The following COLEC11 variants were observed in gnomAD, a reference collection of about 807,000 sequenced individuals.
COLEC11 encodes the protein collectin-11.
Under a neutral mutation model 27.3 loss-of-function variants are expected in COLEC11, and 20 were observed. The observed-to-expected ratio is 0.73, with a 90% CI of 0.51 to 1.06. The LOEUF (loss-of-function observed/expected upper bound fraction) is 1.06. COLEC11 is among the 50% of genes least tolerant of loss of function. The pLI is 0.00. For synonymous variants in COLEC11, 163 were observed against 154.7 expected (o/e 1.05, Z -0.40); for missense variants, 310 against 383.0 (o/e 0.81, Z 1.59).
At chr2:3,619,654 C>G (rs770734155) in intron 3 of COLEC11, among the ~76,000 whole-genome samples, 18 of 152,192 alleles carry the variant, frequency 1.2e-4, no homozygotes, top group Non-Finnish European at 2.6e-4. Context: ...GAGACGGAGT[C>G]TTGCTCTGTT....
At chr2:3,613,172 G>A in intron 2 of COLEC11, 139 bp from the exon 3 acceptor site, 1 of 863,776 alleles carries the variant, frequency 1.2e-6, no homozygotes, top group Non-Finnish European at 1.9e-6. Context: ...TGCAGGCGGG[G>A]AGGGAGGTAG....
chr2:3,609,352 A>ATTTTTTTTT (rs567474674), intron 2 of COLEC11, among the ~76,000 whole-genome samples: 4 of 87,492 alleles, frequency 4.6e-5, no homozygotes, highest in Non-Finnish European at 6.5e-5. Context: ...TTTTTCTTTG[A>ATTTTTTTTT]TTTTTTTTTT....
At chr2:3,615,756 C>T (rs531424376) in intron 3 of COLEC11, among the ~76,000 whole-genome samples, 22 of 149,562 alleles carry the variant, frequency 1.5e-4, no homozygotes, top group South Asian at 4.3e-4. Context: ...GGGCGGTGGC[C>T]GGGCAGAGGC....
chr2:3,613,359 G>T lies in COLEC11; in HGVS notation c.179G>T (p.Arg60Ile). 1 of 1,606,784 alleles carries T rather than the reference G, an allele frequency of 6.2e-7. No individual in the cohort carries two copies. The highest frequency in any genetic ancestry group is 8.5e-7 in the Non-Finnish European group (1 of 1,176,794). The change falls in exon 3 of 7, where the codon AGA (arginine) becomes ATA (isoleucine). Residue 60 changes from arginine to isoleucine, a missense_variant. By Grantham distance (97) the Arg-to-Ile change is moderately conservative. Transcript: ENST00000349077. ...AAAGGCGCCCCCGGACGGCCTGGAA[G>T]AGTCGGCCCCACGGGAGAAAAAGGT... ...GDKGAPGRPGRVGPTGEKGDM... is the reference protein window; with the variant it reads ...GDKGAPGRPGIVGPTGEKGDM...
chr2:3,613,216 G>C, intron 2 of COLEC11, 95 bp from the exon 3 acceptor site: 1 of 1,360,116 alleles, frequency 7.4e-7, no homozygotes, highest in Non-Finnish European at 1.0e-6. Context: ...GCAGGGACCC[G>C]GGGAGAACGC....
At chr2:3,596,448 T>A (rs1661848429) in intron 1 of COLEC11, among the ~76,000 whole-genome samples, 1 of 151,100 alleles carries the variant, frequency 6.6e-6, no homozygotes, top group Non-Finnish European at 1.5e-5. Flanking sequence ...GCGATTATCC[T>A]GCCTCAGCTT....
chr2:3,615,457 TA>T (rs1300357294), intron 3 of COLEC11, among the ~76,000 whole-genome samples: 1 of 152,094 alleles, frequency 6.6e-6, no homozygotes, highest in East Asian at 1.9e-4. Flanking sequence ...GGGTTGGGGG[TA>T]AGGTCAAAGA....
intron 4 of COLEC11, 34 bp downstream of exon 4, chr2:3,637,638 C>G (rs767174067): frequency 7.7e-6 from 12 of 1,557,686 alleles, no homozygotes; most frequent in South Asian, 1.1e-5. Context: ...TCATTTCCCC[C>G]CTGCCCCTAG....
intron 3 of COLEC11, among the ~76,000 whole-genome samples, chr2:3,620,493 C>T (rs999189244): frequency 7.9e-5 from 12 of 151,862 alleles, no homozygotes; most frequent in African/African-American, 2.7e-4. Context: ...TTTCAAAAAG[C>T]AACTCTTAGT....
intron 2 of COLEC11, 143 bp from the exon 3 acceptor site, chr2:3,613,168 C>A: frequency 2.4e-6 from 2 of 836,706 alleles, no homozygotes; most frequent in Non-Finnish European, 4.0e-6. Flanking sequence ...GGGCTGCAGG[C>A]GGGGAGGGAG....
chr2:3,597,685 A>T (rs1022847393), intron 1 of COLEC11, among the ~76,000 whole-genome samples: 2 of 152,036 alleles, frequency 1.3e-5, no homozygotes, highest in Non-Finnish European at 1.5e-5. Context: ...AAAAAAAAAA[A>T]AAACTAAACC....
At position 3,619,711 on chromosome 2, in the gene COLEC11, C is replaced by T. The variant is rs759519491; in HGVS notation, c.202+6329C>T. Among the ~76,000 whole-genome samples, 7 of 152,110 alleles carry T rather than the reference C, an allele frequency of 4.6e-5. No homozygotes were observed. In the South Asian group the frequency reaches 6.2e-4, roughly 14 times the overall value. ...CATGATCTCGGCTCACTGCAACCTC[C>T]GCCTCCTGAGTTCAACCGATTCTCC... On this transcript the variant is annotated intron_variant, in intron 3 of 6. Coordinates refer to ENST00000349077, the MANE Select transcript of COLEC11 (RefSeq NM_024027.5).
chr2:3,617,737 C>T (rs1462944214), intron 3 of COLEC11: 22 of 1,393,174 alleles, frequency 1.6e-5, no homozygotes, highest in Admixed American at 1.4e-4. Context: ...GTCTGGTCTG[C>T]GCAGTGGCCA....
intron 3 of COLEC11, among the ~76,000 whole-genome samples, chr2:3,631,733 G>T (rs1168115787): frequency 6.6e-6 from 1 of 151,708 alleles, no homozygotes; most frequent in South Asian, 2.1e-4. Context: ...ACTCGGAGGG[G>T]ACTCTGCTCG....
chr2:3,608,773 G>A (rs1340269745), intron 2 of COLEC11, among the ~76,000 whole-genome samples: 16 of 152,248 alleles, frequency 1.1e-4, no homozygotes, highest in Admixed American at 9.8e-4. Flanking sequence ...TCTACAAGGC[G>A]GAGGCGACGG....
chr2:3,601,987 G>A (rs2147848601), intron 1 of COLEC11: 1 of 152,350 alleles, frequency 6.6e-6, no homozygotes, highest in South Asian at 2.1e-4. Context: ...ACATTTCTGG[G>A]AGAACTCCTC....
rs1226131961 is a variant in COLEC11 at position 3,643,635 on chromosome 2, C to T, written c.425-92C>T. 4 of 1,602,196 alleles carry T rather than the reference C, an allele frequency of 2.5e-6. No individual in the cohort carries two copies. The East Asian group carries it at 6.7e-5, about 27-fold the overall frequency. On this transcript the variant is annotated intron_variant, in intron 6 of 6. Coordinates refer to ENST00000349077, the MANE Select transcript of COLEC11 (RefSeq NM_024027.5). ...CTCTGCCGTGCCCACGCCTGCCCTGCCTGCCCTGCCGGCCCCTGCTGCCTG... is the reference window on the plus strand; with the variant it reads ...CTCTGCCGTGCCCACGCCTGCCCTGTCTGCCCTGCCGGCCCCTGCTGCCTG...
At chr2:3,631,439 C>T (rs543239891) in intron 3 of COLEC11, among the ~76,000 whole-genome samples, 16 of 152,294 alleles carry the variant, frequency 1.1e-4, no homozygotes, top group Non-Finnish European at 1.5e-4. Flanking sequence ...GGCACTGGCT[C>T]ATCCGGTGGA....
intron 3 of COLEC11, among the ~76,000 whole-genome samples, chr2:3,624,448 C>T (rs1664387780): frequency 6.6e-6 from 1 of 152,208 alleles, no homozygotes; most frequent in Admixed American, 6.5e-5. Context: ...TCCTCCATGT[C>T]AGTCACCTCA....
Sources: gnomAD v4.1 joint callset for allele counts (sites outside exome capture counted in the v4.1 genomes callset) on GRCh38, gnomAD v4.1.1 for gene constraint, MANE v1.5 for transcripts, NCBI Gene and HGNC (gene_info 2026-07-23, HGNC 2026-07-21) for gene names.